The following B3GALT1 variants were observed in gnomAD, a reference collection of about 807,000 sequenced individuals.
B3GALT1 encodes the protein UDP-Gal:betaGlcNAc beta 1,3-galactosyltransferase, polypeptide 1.
In B3GALT1, 10 loss-of-function variants were observed where a neutral mutation model predicts 23.2. The observed-to-expected ratio is 0.43, with a 90% CI of 0.27 to 0.73. The LOEUF is 0.73. B3GALT1 is among the 30% of genes least tolerant of loss of function. The probability of loss-of-function intolerance (pLI) is 0.21; values close to 1 mark genes in which losing one functional copy is unlikely to be tolerated. For missense variants in B3GALT1, 299 were observed against 405.4 expected, an observed-to-expected ratio of 0.74 and a Z score of 2.25; for synonymous variants, 156 against 141.5, an observed-to-expected ratio of 1.10 and a Z score of -0.73.
intron 2 of B3GALT1, among the ~76,000 whole-genome samples, chr2:167,576,465 G>A (rs978915562): frequency 1.3e-5 from 2 of 151,050 alleles, no homozygotes; most frequent in African/African-American, 4.9e-5. Flanking sequence ...TTTTTAGTGA[G>A]GACAGGTTTA....
At chr2:167,731,478 A>T (rs189264114) in intron 3 of B3GALT1, among the ~76,000 whole-genome samples, 1 of 152,210 alleles carries the variant, frequency 6.6e-6, no homozygotes, top group African/African-American at 2.4e-5. Flanking sequence ...TTTGAACACC[A>T]TATGGAATCA....
At chr2:167,667,463 T>A (rs373479134) in intron 3 of B3GALT1, among the ~76,000 whole-genome samples, 5 of 152,052 alleles carry the variant, frequency 3.3e-5, no homozygotes, top group African/African-American at 2.4e-5. Context: ...ATCTTTGTGG[T>A]GTTCTCTGTA....
chr2:167,456,351 A>G (rs1182177156), intron 1 of B3GALT1, among the ~76,000 whole-genome samples: 1 of 152,110 alleles, frequency 6.6e-6, no homozygotes, highest in Non-Finnish European at 1.5e-5. Context: ...ATCTGCCCCC[A>G]TGATCAACAC....
intron 2 of B3GALT1, among the ~76,000 whole-genome samples, chr2:167,547,693 C>CA (rs71031296): frequency 0.032 from 2,406 of 75,174 alleles, 38 homozygotes; most frequent in Middle Eastern, 0.057. Flanking sequence ...GACTCTGTCT[C>CA]AAAAAAAAAA....
intron 3 of B3GALT1, among the ~76,000 whole-genome samples, chr2:167,655,283 A>G (rs979348061): frequency 1.3e-5 from 2 of 152,180 alleles, no homozygotes; most frequent in African/African-American, 4.8e-5. Context: ...TAGGGCTGGC[A>G]TGTGTACTGC....
At chr2:167,481,802 T>G (rs947792782) in intron 1 of B3GALT1, among the ~76,000 whole-genome samples, 3 of 152,234 alleles carry the variant, frequency 2.0e-5, no homozygotes, top group African/African-American at 7.2e-5. Flanking sequence ...TAATTGTGTA[T>G]TTTGTATTTC....
rs151300353 is a variant in B3GALT1, at chr2:167,824,874, A to G, written c.-230+6081A>G. Among the ~76,000 whole-genome samples the G allele has an allele frequency of 2.4e-3, 365 of 152,354 alleles. 8 individuals carry two copies. Among genetic ancestry groups the G allele is most frequent in the Admixed American group, 0.022 (340 of 15,294 alleles). Reference sequence around the variant, plus strand: ...CATATGTTGCATTCAGATGCCCTTCAGATATCCAAGTACACAATTAGATGT... The same window carrying G: ...CATATGTTGCATTCAGATGCCCTTCGGATATCCAAGTACACAATTAGATGT... On this transcript the variant is annotated intron_variant, in intron 4 of 4. Coordinates refer to ENST00000392690, the MANE Select transcript of B3GALT1 (RefSeq NM_020981.4).
intron 2 of B3GALT1, among the ~76,000 whole-genome samples, chr2:167,578,963 T>C (rs941750608): frequency 2.0e-5 from 3 of 152,096 alleles, no homozygotes; most frequent in South Asian, 2.1e-4. Context: ...GCATTTCCTT[T>C]CAGCAGAAAA....
intron 3 of B3GALT1, among the ~76,000 whole-genome samples, chr2:167,669,944 G>A (rs1686293762): frequency 1.3e-5 from 2 of 152,122 alleles, no homozygotes; most frequent in Non-Finnish European, 2.9e-5. Context: ...TGGGCTCACA[G>A]AAACCAGGGT....
At chr2:167,867,854 G>A (rs1452349163) in intron 4 of B3GALT1, among the ~76,000 whole-genome samples, 1 of 152,186 alleles carries the variant, frequency 6.6e-6, no homozygotes, top group Non-Finnish European at 1.5e-5. Flanking sequence ...GAAAGCAGTA[G>A]AAGTTCTAGA....
intron 3 of B3GALT1, among the ~76,000 whole-genome samples, chr2:167,774,573 C>A (rs1220572416): frequency 2.1e-5 from 3 of 139,636 alleles, no homozygotes; most frequent in Admixed American, 1.6e-4. Context: ...TCTCGGCTCA[C>A]TGCAGTCTCC....
At chr2:167,389,058 G>C (rs1455381844) in intron 1 of B3GALT1, among the ~76,000 whole-genome samples, 4 of 151,950 alleles carry the variant, frequency 2.6e-5, no homozygotes. Context: ...GAATATATCA[G>C]CTTTTTGGCT....
intron 2 of B3GALT1, among the ~76,000 whole-genome samples, chr2:167,507,056 T>C (rs750791822): frequency 6.6e-6 from 1 of 152,098 alleles, no homozygotes; most frequent in South Asian, 2.1e-4. Context: ...TTGTCAAGAC[T>C]AAAACCGTAA....
chr2:167,516,704 T>C (rs1700103507), intron 2 of B3GALT1, among the ~76,000 whole-genome samples: 2 of 152,080 alleles, frequency 1.3e-5, no homozygotes, highest in Non-Finnish European at 2.9e-5. Context: ...CTTTAGCCAC[T>C]GTTACTATTT....
rs77426621 is a variant in B3GALT1, at chr2:167,719,227, T to C, written c.-352+72261T>C. Among the ~76,000 whole-genome samples the C allele has an allele frequency of 0.011, 1,693 of 152,312 alleles. 95 individuals are homozygous for C. In the East Asian group the frequency reaches 0.18, roughly 16 times the overall value. ...TATAATTTTCTTTGAGTTTACTCAT[T>C]TTCTATGTTTTTGTGTCAGATATGT... On this transcript the variant is annotated intron_variant, in intron 3 of 4. Transcript: ENST00000392690.
At chr2:167,427,222 G>A (rs1447874443) in intron 1 of B3GALT1, among the ~76,000 whole-genome samples, 1 of 152,224 alleles carries the variant, frequency 6.6e-6, no homozygotes, top group Non-Finnish European at 1.5e-5. Flanking sequence ...AGTGAAGACA[G>A]TGGTTACTCC....
chr2:167,495,281 G>A (rs1001161077), intron 2 of B3GALT1, among the ~76,000 whole-genome samples: 12 of 148,706 alleles, frequency 8.1e-5, no homozygotes, highest in African/African-American at 2.7e-4. Flanking sequence ...TAGAGAAGGT[G>A]ATGAAGAAGA....
intron 1 of B3GALT1, among the ~76,000 whole-genome samples, chr2:167,432,159 G>A (rs1204261383): frequency 2.0e-5 from 3 of 152,088 alleles, no homozygotes; most frequent in Non-Finnish European, 4.4e-5. Flanking sequence ...CTGCAGGGGC[G>A]CCGGATCTGG....
At chr2:167,486,601 C>G (rs1331414603) in intron 1 of B3GALT1, among the ~76,000 whole-genome samples, 1 of 151,906 alleles carries the variant, frequency 6.6e-6, no homozygotes, top group Non-Finnish European at 1.5e-5. Context: ...GCCTGTAGTC[C>G]CAGCTACTCA....
Sources: allele counts gnomAD v4.1 joint callset (sites outside exome capture counted in the v4.1 genomes callset), GRCh38; gene constraint gnomAD v4.1.1; transcripts MANE v1.5; gene names NCBI Gene and HGNC (gene_info 2026-07-23, HGNC 2026-07-21).